CSMD2: variants seen among roughly 807,000 people sequenced by gnomAD.
CSMD2 encodes the protein CUB and Sushi multiple domains 2.
A neutral mutation model predicts 398.5 loss-of-function variants in CSMD2; 130 were observed. The ratio of observed to expected loss-of-function variants is 0.33; its 90% CI spans 0.28 to 0.38. The LOEUF (loss-of-function observed/expected upper bound fraction) is 0.38. CSMD2 is among the 10% of genes least tolerant of loss of function. CSMD2 has a pLI of 1.00. For missense variants in CSMD2, 3,829 were observed against 4,764.9 expected, an observed-to-expected ratio of 0.80 and a Z score of 5.78; for synonymous variants, 1,828 against 1,908.5, an observed-to-expected ratio of 0.96 and a Z score of 1.10.
intron 4 of CSMD2, among the ~76,000 whole-genome samples, chr1:33,924,361 G>A (rs189193581): frequency 6.6e-6 from 1 of 152,248 alleles, no homozygotes; most frequent in African/African-American, 2.4e-5. Flanking sequence ...TAACATCTGA[G>A]TAGTATTCCA....
chr1:34,133,987 T>C (rs1638430810), intron 1 of CSMD2, among the ~76,000 whole-genome samples: 1 of 146,060 alleles, frequency 6.8e-6, no homozygotes. Flanking sequence ...GAGAATCGCT[T>C]GAACCGGGGA....
chr1:33,888,461 C>T (rs1372040868), intron 5 of CSMD2, among the ~76,000 whole-genome samples: 1 of 151,960 alleles, frequency 6.6e-6, no homozygotes, highest in Non-Finnish European at 1.5e-5. Context: ...GTTGTAGAAC[C>T]ATGAATAGAG....
At chr1:33,818,599 T>C (rs1185606635) in intron 9 of CSMD2, among the ~76,000 whole-genome samples, 2 of 152,220 alleles carry the variant, frequency 1.3e-5, no homozygotes, top group East Asian at 3.8e-4. Flanking sequence ...GTTGTTTGAT[T>C]TTTTAAAAAC....
intron 56 of CSMD2, among the ~76,000 whole-genome samples, chr1:33,548,418 C>T (rs1234139769): frequency 6.6e-6 from 1 of 152,124 alleles, no homozygotes; most frequent in East Asian, 1.9e-4. Context: ...GGGTGGTGAA[C>T]TTCTTGAAGT....
chr1:33,859,972 A>G (rs2125110148), intron 5 of CSMD2, among the ~76,000 whole-genome samples: 1 of 152,324 alleles, frequency 6.6e-6, no homozygotes, highest in Non-Finnish European at 1.5e-5. Flanking sequence ...AAAAAATGTT[A>G]TTTTGAAATA....
chr1:33,850,515 T>C, intron 5 of CSMD2, among the ~76,000 whole-genome samples: 1 of 152,230 alleles, frequency 6.6e-6, no homozygotes, highest in East Asian at 1.9e-4. Flanking sequence ...TGGAATCATT[T>C]AGGCTGAATT....
At chr1:33,803,281 T>C (rs983035447) in intron 10 of CSMD2, among the ~76,000 whole-genome samples, 2 of 152,212 alleles carry the variant, frequency 1.3e-5, no homozygotes, top group Non-Finnish European at 2.9e-5. Flanking sequence ...CCAAGAAATG[T>C]TGTCCATTCC....
At chr1:33,702,901 C>G (rs994049653) in intron 22 of CSMD2, among the ~76,000 whole-genome samples, 2 of 152,148 alleles carry the variant, frequency 1.3e-5, no homozygotes, top group Admixed American at 1.3e-4. Flanking sequence ...CCTTAACTCC[C>G]TGATAGATTA....
chr1:33,969,608 G>A (rs1461634289), intron 3 of CSMD2, among the ~76,000 whole-genome samples: 1 of 152,200 alleles, frequency 6.6e-6, no homozygotes, highest in African/African-American at 2.4e-5. Flanking sequence ...ACATGTGAAA[G>A]TTAAGGTTTT....
At chr1:33,871,799 TAG>T (rs1210234310) in intron 5 of CSMD2, among the ~76,000 whole-genome samples, 1 of 152,176 alleles carries the variant, frequency 6.6e-6, no homozygotes, top group Non-Finnish European at 1.5e-5. Flanking sequence ...GTATTTTTCA[TAG>T]AGATGGGGTT....
At position 33,972,379 on chromosome 1, in the gene CSMD2, C is replaced by T. The variant is rs550813031; in HGVS notation, c.518-36425G>A. Reference sequence around the variant, plus strand: ...TGGCAGGCTTAATAATACTCCTCACCCCCACCCAAAGATGTCCATGCCCTG... The same window carrying T: ...TGGCAGGCTTAATAATACTCCTCACTCCCACCCAAAGATGTCCATGCCCTG... On this transcript the variant is annotated intron_variant, in intron 3 of 70. Transcript: ENST00000373381. 2.6e-5 allele frequency among the ~76,000 whole-genome samples: 4 copies of T among 152,192 alleles called. No individual in the cohort carries two copies. The South Asian group carries it at 8.3e-4, about 32-fold the overall frequency.
intron 3 of CSMD2, among the ~76,000 whole-genome samples, chr1:34,013,087 C>T (rs1019695671): frequency 2.6e-5 from 4 of 152,202 alleles, no homozygotes; most frequent in East Asian, 1.9e-4. Flanking sequence ...GCTGGCTGAG[C>T]GTTATGGCCA....
chr1:33,954,914 T>G (rs1645116992), intron 3 of CSMD2, among the ~76,000 whole-genome samples: 1 of 152,166 alleles, frequency 6.6e-6, no homozygotes, highest in Non-Finnish European at 1.5e-5. Context: ...ACAATGTGAA[T>G]GTACTTAATG....
chr1:33,653,646 C>A (rs1643871540), intron 27 of CSMD2, among the ~76,000 whole-genome samples: 1 of 152,146 alleles, frequency 6.6e-6, no homozygotes, highest in Non-Finnish European at 1.5e-5. Flanking sequence ...CCTTCTGGGG[C>A]AGCTTCCCCA....
rs113433175 is a variant in CSMD2, at chr1:33,606,448, G to A, written c.6344-978C>T. On this transcript the variant is annotated intron_variant, in intron 41 of 70. Transcript: ENST00000373381. ...TTATGTTTCCATTCAGTACCTCACA[G>A]GGAAGTCTCAGGGGGAGGAACTGGG... 6.0e-4 allele frequency among the ~76,000 whole-genome samples: 92 copies of A among 152,366 alleles called. 1 individual carries two copies. Among genetic ancestry groups the A allele is most frequent in the Middle Eastern group, 3.4e-3 (1 of 294 alleles).
chr1:33,831,542 A>G (rs1659560091), intron 6 of CSMD2, among the ~76,000 whole-genome samples: 1 of 152,032 alleles, frequency 6.6e-6, no homozygotes, highest in Non-Finnish European at 1.5e-5. Flanking sequence ...AAATGGTACC[A>G]GCTGCTGCAA....
chr1:33,543,663 T>A (rs1369912747), intron 57 of CSMD2, among the ~76,000 whole-genome samples: 1 of 152,264 alleles, frequency 6.6e-6, no homozygotes, highest in African/African-American at 2.4e-5. Context: ...TTGACCAGAT[T>A]CATTATTTCA....
At chr1:33,672,216 C>T (rs1373948052) in intron 25 of CSMD2, among the ~76,000 whole-genome samples, 1 of 152,226 alleles carries the variant, frequency 6.6e-6, no homozygotes. Context: ...ATTCCCTTTC[C>T]TAGTCAAAGA....
At chr1:33,824,574 C>A (rs929762268) in intron 7 of CSMD2, among the ~76,000 whole-genome samples, 2 of 152,248 alleles carry the variant, frequency 1.3e-5, no homozygotes, top group South Asian at 4.2e-4. Context: ...CACATCGGCA[C>A]AGAGCTCGAA....
Sources: allele counts gnomAD v4.1 joint callset (sites outside exome capture counted in the v4.1 genomes callset), GRCh38; gene constraint gnomAD v4.1.1; transcripts MANE v1.5; gene names NCBI Gene and HGNC (gene_info 2026-07-23, HGNC 2026-07-21).